IL7: variants seen among roughly 807,000 people sequenced by gnomAD.
IL7 encodes interleukin-7.
IL7 carries 3 observed loss-of-function variants against 21.6 expected under a neutral mutation model. That is an observed-to-expected ratio of 0.14 (90% CI 0.06 to 0.36). The LOEUF is 0.36. IL7 is among the 10% of genes least tolerant of loss of function. The pLI, the probability that IL7 is intolerant of heterozygous loss-of-function variation, is 1.00. For synonymous variants in IL7, 62 were observed against 68.1 expected, an observed-to-expected ratio of 0.91 and a Z score of 0.44; for missense variants, 175 against 200.2, an observed-to-expected ratio of 0.87 and a Z score of 0.76.
At chr8:78,789,741 A>G (rs940153167) in intron 2 of IL7, among the ~76,000 whole-genome samples, 2 of 152,160 alleles carry the variant, frequency 1.3e-5, no homozygotes, top group Admixed American at 1.3e-4. Context: ...TCTATAGAAT[A>G]GATGGATAAT....
intron 2 of IL7, among the ~76,000 whole-genome samples, chr8:78,748,347 A>G (rs1812051610): frequency 6.6e-6 from 1 of 152,228 alleles, no homozygotes; most frequent in African/African-American, 2.4e-5. Context: ...ATAATTATTT[A>G]TTGCACTTGA....
chr8:78,758,891 A>G (rs1484230568), intron 2 of IL7, among the ~76,000 whole-genome samples: 1 of 152,066 alleles, frequency 6.6e-6, no homozygotes, highest in African/African-American at 2.4e-5. Flanking sequence ...AGATGTCTAT[A>G]TCCTTCACAA....
intron 4 of IL7, among the ~76,000 whole-genome samples, chr8:78,685,242 C>G (rs959171167): frequency 3.1e-5 from 3 of 97,378 alleles, no homozygotes; most frequent in Non-Finnish European, 4.8e-5. Context: ...AAGGATAGGA[C>G]AACTGCATAG....
intron 1 of IL7, among the ~76,000 whole-genome samples, chr8:78,804,038 T>A (rs1423727937): frequency 6.6e-6 from 1 of 152,156 alleles, no homozygotes; most frequent in Non-Finnish European, 1.5e-5. Flanking sequence ...CCTAAGCAGA[T>A]CTTTTCCCCT....
In IL7 at chr8:78,733,692, T is replaced by C. The variant is rs370750442; in HGVS notation, c.*21A>G. On this transcript the variant is annotated 3_prime_UTR_variant, in exon 6 of 6. Transcript: ENST00000263851. ...AGGATGCAGCTAAAGTTCGTGTTTC[T>C]ATATTGCCACTCCATATTTTTCAGT... 1.6e-5 allele frequency: 25 copies of C among 1,593,020 alleles called. No homozygotes were observed. Among genetic ancestry groups the C allele is most frequent in the Admixed American group, 3.6e-5 (2 of 55,614 alleles).
chr8:78,751,059 A>G (rs2130733154), intron 2 of IL7, among the ~76,000 whole-genome samples: 1 of 151,754 alleles, frequency 6.6e-6, no homozygotes, highest in South Asian at 2.1e-4. Context: ...TGATAGGACA[A>G]CAGAAACTTC....
At chr8:78,704,245 G>A (rs190756179) in intron 3 of IL7, among the ~76,000 whole-genome samples, 20 of 151,782 alleles carry the variant, frequency 1.3e-4, no homozygotes, top group Admixed American at 3.3e-4. Flanking sequence ...AAAATTAGCC[G>A]GGTGTGGTTG....
intron 2 of IL7, among the ~76,000 whole-genome samples, chr8:78,755,869 G>A (rs2130747271): frequency 6.6e-6 from 1 of 152,120 alleles, no homozygotes; most frequent in East Asian, 1.9e-4. Flanking sequence ...GTGAGATGTT[G>A]AATAGGAGTG....
chr8:78,749,687 G>A (rs796117237), intron 2 of IL7, among the ~76,000 whole-genome samples: 1 of 152,142 alleles, frequency 6.6e-6, no homozygotes, highest in African/African-American at 2.4e-5. Flanking sequence ...ATACTTTTAT[G>A]AGTTTGATCT....
chr8:78,679,872 A>G (rs1809711767), intron 4 of IL7, among the ~76,000 whole-genome samples: 1 of 152,204 alleles, frequency 6.6e-6, no homozygotes, highest in Admixed American at 6.5e-5. Flanking sequence ...AATAAGCTGT[A>G]TAAATCAATA....
At chr8:78,694,360 C>T (rs1178509128) in intron 3 of IL7, among the ~76,000 whole-genome samples, 1 of 151,116 alleles carries the variant, frequency 6.6e-6, no homozygotes, top group African/African-American at 2.4e-5. Context: ...CTGCTTGTTA[C>T]AAGTAAAACG....
intron 3 of IL7, among the ~76,000 whole-genome samples, chr8:78,686,244 T>C (rs527375934): frequency 1.3e-5 from 2 of 152,278 alleles, no homozygotes; most frequent in Admixed American, 6.5e-5. Context: ...GGCAGTTTAG[T>C]AGTGTCTTTC....
At chr8:78,716,803 C>T (rs972091027), downstream of IL7, among the ~76,000 whole-genome samples, 8 of 152,232 alleles carry the variant, frequency 5.3e-5, no homozygotes, top group African/African-American at 1.7e-4. Flanking sequence ...GCGATTGGAT[C>T]ATGGGGGTGG....
intron 2 of IL7, among the ~76,000 whole-genome samples, chr8:78,752,066 T>C (rs1355050988): frequency 6.6e-6 from 1 of 152,232 alleles, no homozygotes; most frequent in Non-Finnish European, 1.5e-5. Context: ...TATAAAGTCC[T>C]CCAGGCTCAT....
At chr8:78,693,764 T>C (rs1352855586) in intron 3 of IL7, among the ~76,000 whole-genome samples, 2 of 152,234 alleles carry the variant, frequency 1.3e-5, no homozygotes, top group African/African-American at 4.8e-5. Flanking sequence ...ATTTTGGCTT[T>C]TGTTGCCATT....
At chr8:78,793,880 G>A (rs1813773100) in intron 2 of IL7, among the ~76,000 whole-genome samples, 1 of 152,084 alleles carries the variant, frequency 6.6e-6, no homozygotes, top group African/African-American at 2.4e-5. Context: ...TTTCAGCAAT[G>A]TTCACAGCAT....
intron 2 of IL7, among the ~76,000 whole-genome samples, chr8:78,769,548 T>C (rs1451330976): frequency 2.0e-5 from 3 of 152,150 alleles, no homozygotes; most frequent in Non-Finnish European, 1.5e-5. Context: ...TACAAACAAA[T>C]GGAAGAACAA....
intron 2 of IL7, among the ~76,000 whole-genome samples, chr8:78,756,703 C>T (rs901253891): frequency 1.3e-5 from 2 of 151,784 alleles, no homozygotes; most frequent in Admixed American, 6.6e-5. Context: ...TGGGTCTTCT[C>T]TCTTTATTAG....
chr8:78,686,441 T>G, intron 3 of IL7: 1 of 1,309,802 alleles, frequency 7.6e-7, no homozygotes, highest in Non-Finnish European at 9.9e-7. Context: ...GTTTATTTAT[T>G]TATTTATTTA....
Sources: gnomAD v4.1 joint callset for allele counts (sites outside exome capture counted in the v4.1 genomes callset) on GRCh38, gnomAD v4.1.1 for gene constraint, MANE v1.5 for transcripts, NCBI Gene and HGNC (gene_info 2026-07-23, HGNC 2026-07-21) for gene names.